NUBPL: variants seen among roughly 807,000 people sequenced by gnomAD.
The protein encoded by NUBPL is iron-sulfur cluster transfer protein NUBPL.
In NUBPL, 31 loss-of-function variants were observed where a neutral mutation model predicts 45.7. The ratio of observed to expected loss-of-function variants is 0.68; its 90% CI spans 0.51 to 0.92. The LOEUF is 0.92. Among genes scored for constraint, NUBPL ranks in the 40% least tolerant of loss-of-function variants. The pLI, the probability that NUBPL is intolerant of heterozygous loss-of-function variation, is 0.00. For synonymous variants in NUBPL, 144 were observed against 140.9 expected, an observed-to-expected ratio of 1.02 and a Z score of -0.15; for missense variants, 401 against 398.7, an observed-to-expected ratio of 1.01 and a Z score of -0.05.
chr14:31,613,792 G>A (rs2034825598), intron 4 of NUBPL, among the ~76,000 whole-genome samples: 1 of 151,928 alleles, frequency 6.6e-6, no homozygotes, highest in South Asian at 2.1e-4. Flanking sequence ...ATAAATGCTT[G>A]AGAGGATGGT....
chr14:31,624,038 C>T (rs2165814), intron 4 of NUBPL, among the ~76,000 whole-genome samples: 46,013 of 151,924 alleles, frequency 0.3, 7,688 homozygotes, highest in South Asian at 0.41. Context: ...GTGAAGGAAA[C>T]GTAATAGGAC....
At chr14:31,725,644 T>A (rs929481303) in intron 6 of NUBPL, among the ~76,000 whole-genome samples, 1 of 152,010 alleles carries the variant, frequency 6.6e-6, no homozygotes, top group Non-Finnish European at 1.5e-5. Context: ...GATGTGGAAT[T>A]TTCCACTTGT....
intron 3 of NUBPL, 42 bp from the exon 4 acceptor site, chr14:31,599,247 G>A: frequency 7.2e-7 from 1 of 1,386,548 alleles, no homozygotes; most frequent in Non-Finnish European, 1.0e-6. Context: ...TTATGGTAAA[G>A]TGTTTTTGTT....
chr14:31,763,862 C>A (rs1017258806), intron 6 of NUBPL, among the ~76,000 whole-genome samples: 1 of 152,208 alleles, frequency 6.6e-6, no homozygotes, highest in African/African-American at 2.4e-5. Context: ...ATGTGACTTA[C>A]AATTTATAAT....
chr14:31,569,908 C>G (rs900738089), intron 3 of NUBPL, among the ~76,000 whole-genome samples: 9 of 152,186 alleles, frequency 5.9e-5, no homozygotes, highest in Admixed American at 1.3e-4. Flanking sequence ...TTAAAAACAT[C>G]CTTATTATGG....
At chr14:31,831,394 A>G (rs931382060) in intron 8 of NUBPL, among the ~76,000 whole-genome samples, 3 of 151,740 alleles carry the variant, frequency 2.0e-5, no homozygotes, top group Admixed American at 1.3e-4. Context: ...ATTACACTCT[A>G]TTACTCCTTT....
chr14:31,820,669 C>T (rs1239400341), intron 7 of NUBPL, among the ~76,000 whole-genome samples: 1 of 151,408 alleles, frequency 6.6e-6, no homozygotes, highest in Non-Finnish European at 1.5e-5. Flanking sequence ...GCCAAAAATA[C>T]AAAAATTAGC....
At chr14:31,683,659 A>C (rs1244587883) in intron 6 of NUBPL, among the ~76,000 whole-genome samples, 1 of 152,032 alleles carries the variant, frequency 6.6e-6, no homozygotes, top group Non-Finnish European at 1.5e-5. Context: ...CTGCCAAAAC[A>C]ATCTTTTTTA....
chr14:31,652,586 A>T (rs1335806703), intron 4 of NUBPL, among the ~76,000 whole-genome samples: 2 of 152,212 alleles, frequency 1.3e-5, no homozygotes, highest in Non-Finnish European at 2.9e-5. Flanking sequence ...TAAAAAATAA[A>T]GTTGCTTTTT....
At position 31,603,268 on chromosome 14, in the gene NUBPL, C is replaced by G. The variant is rs576009191; in HGVS notation, c.382+3889C>G. ...TGAGCCATGACTGCACCACTGTACT[C>G]CAGCCTGGATGACAAAGCAAGATCC... On this transcript the variant is annotated intron_variant, in intron 4 of 10. Coordinates refer to ENST00000281081, the MANE Select transcript of NUBPL (RefSeq NM_025152.3). 1.4e-4 allele frequency among the ~76,000 whole-genome samples: 20 copies of G among 145,302 alleles called. No homozygotes were observed. In the East Asian group the frequency reaches 2.2e-3, roughly 16 times the overall value.
intron 6 of NUBPL, among the ~76,000 whole-genome samples, chr14:31,759,099 T>C (rs2138719028): frequency 6.6e-6 from 1 of 152,288 alleles, no homozygotes; most frequent in Admixed American, 6.5e-5. Flanking sequence ...AAAAAAGGTC[T>C]CCTAAGTCCA....
At position 31,760,420 on chromosome 14, in the gene NUBPL, T is replaced by C. The variant is rs552013518; in HGVS notation, c.514-27360T>C. ...CGTCCACCTCAGCCTCCCAAAGTGT[T>C]TGGATTATAGGCATGAGCCACTGCA... On this transcript the variant is annotated intron_variant, in intron 6 of 10. Coordinates refer to ENST00000281081, the MANE Select transcript of NUBPL (RefSeq NM_025152.3). 4.6e-5 allele frequency among the ~76,000 whole-genome samples: 7 copies of C among 152,186 alleles called. No homozygotes were observed. In the South Asian group the frequency reaches 1.2e-3, roughly 27 times the overall value.
At chr14:31,859,065 A>G in intron 10 of NUBPL, 53 bp from the exon 11 acceptor site, 3 of 1,517,434 alleles carry the variant, frequency 2.0e-6, no homozygotes, top group East Asian at 2.3e-5. Flanking sequence ...TTGATGAGTC[A>G]TTCAATGTCT....
At chr14:31,784,013 G>T (rs1004546420) in intron 6 of NUBPL, among the ~76,000 whole-genome samples, 2 of 152,114 alleles carry the variant, frequency 1.3e-5, no homozygotes, top group African/African-American at 4.8e-5. Flanking sequence ...ATCTTTTGGG[G>T]TAAGTTTTGT....
chr14:31,652,331 AGTT>A (rs754214071), intron 4 of NUBPL, among the ~76,000 whole-genome samples: 5 of 152,170 alleles, frequency 3.3e-5, no homozygotes, highest in Non-Finnish European at 5.9e-5. Flanking sequence ...AAGGACACAA[AGTT>A]TCAGTTAGGT....
At chr14:31,595,121 A>G (rs1050561408) in intron 3 of NUBPL, among the ~76,000 whole-genome samples, 2 of 152,236 alleles carry the variant, frequency 1.3e-5, no homozygotes, top group African/African-American at 4.8e-5. Context: ...CACAAAAATA[A>G]GACGTGTAGG....
At chr14:31,698,356 C>CT (rs548304258) in intron 6 of NUBPL, among the ~76,000 whole-genome samples, 2,466 of 142,448 alleles carry the variant, frequency 0.017, 53 homozygotes, top group African/African-American at 0.058. Context: ...TCATTTTGGT[C>CT]TTTTTTTTTT....
At chr14:31,632,044 GAGAT>G (rs1476336765) in intron 4 of NUBPL, among the ~76,000 whole-genome samples, 3 of 152,082 alleles carry the variant, frequency 2.0e-5, no homozygotes, top group Non-Finnish European at 4.4e-5. Context: ...TCCCAGCATG[GAGAT>G]AATCCTGGAG....
Position 31,585,782 on chromosome 14 carries a change from CTG to C in NUBPL, c.292-13503_292-13502del, listed in dbSNP as rs946928250. 7.7e-4 allele frequency among the ~76,000 whole-genome samples: 117 copies of C among 152,232 alleles called. 1 individual carries two copies. The highest frequency in any genetic ancestry group is 1.3e-3 in the Admixed American group (20 of 15,282). On this transcript the variant is annotated intron_variant, in intron 3 of 10. Transcript: ENST00000281081. Reference sequence around the variant, plus strand: ...TTGTGGTTTGATTTGCATTTCCTGACTGTGTTTCTGTTGGACTAAAATGTTAA... The same window carrying C: ...TTGTGGTTTGATTTGCATTTCCTGACTGTTTCTGTTGGACTAAAATGTTAA...
Sources: gnomAD v4.1 joint callset for allele counts (sites outside exome capture counted in the v4.1 genomes callset) on GRCh38, gnomAD v4.1.1 for gene constraint, MANE v1.5 for transcripts, NCBI Gene and HGNC (gene_info 2026-07-23, HGNC 2026-07-21) for gene names.